The following HAS3 variants were observed in gnomAD, a reference collection of about 807,000 sequenced individuals.
The protein encoded by HAS3 is HA synthase 3.
A neutral mutation model predicts 50.3 loss-of-function variants in HAS3; 27 were observed. That is an observed-to-expected ratio of 0.54 (90% CI 0.40 to 0.74). The LOEUF is 0.74. Among genes scored for constraint, HAS3 ranks in the 30% least tolerant of loss-of-function variants. HAS3 has a pLI of 0.00. For missense variants in HAS3, 517 were observed against 742.8 expected (o/e 0.70, Z 3.53); for synonymous variants, 339 against 310.9 (o/e 1.09, Z -0.95).
At chr16:69,113,321 G>T in intron 2 of HAS3, 120 bp from the exon 3 acceptor site, 1 of 746,350 alleles carries the variant, frequency 1.3e-6, no homozygotes, top group South Asian at 1.4e-5. Flanking sequence ...CTAGAGGCTG[G>T]AAGTGAGTCA....
upstream of HAS3, among the ~76,000 whole-genome samples, chr16:69,104,674 C>A (rs1960740269): frequency 6.6e-6 from 1 of 152,022 alleles, no homozygotes; most frequent in Non-Finnish European, 1.5e-5. Context: ...GAACTCCTGG[C>A]CTCAAGCGAT....
intron 2 of HAS3, among the ~76,000 whole-genome samples, chr16:69,111,066 C>T (rs908523377): frequency 1.4e-5 from 2 of 143,964 alleles, no homozygotes; most frequent in African/African-American, 5.2e-5. Context: ...TTTCCATCTT[C>T]AAATAAAAAA....
Position 69,109,145 on chromosome 16 carries a change from A to C in HAS3, c.1-251A>C. Among the ~76,000 whole-genome samples the C allele has an allele frequency of 6.6e-6, 1 of 152,284 alleles. No homozygotes were observed. Among genetic ancestry groups the C allele is most frequent in the East Asian group, 1.9e-4 (1 of 5,172 alleles). ...TGTATGTGTCGCCCATTTAACCCTC[A>C]AAGATGCCTTGAGGTTAGTCCTGCA... is the stretch of plus-strand genomic sequence containing the variant. On this transcript the variant is annotated intron_variant, in intron 1 of 3. Coordinates refer to ENST00000569188, the MANE Select transcript of HAS3 (RefSeq NM_001199280.2). The surrounding 1 kb of genome is among the most constrained non-coding windows in gnomAD (Gnocchi z 5.3).
the HAS3 span, chr16:69,083,823 C>T: frequency 8.7e-6 from 6 of 691,012 alleles, no homozygotes; most frequent in African/African-American, 3.6e-5. Flanking sequence ...GGGTCCCTTC[C>T]GAGGGCATGT....
At chr16:69,086,935 C>T in the HAS3 span, among the ~76,000 whole-genome samples, 140 of 152,210 alleles carry the variant, frequency 9.2e-4, 1 homozygote, top group African/African-American at 3.1e-3. Context: ...AAAACTTAAA[C>T]GAAATACACG....
At chr16:69,097,698 A>G in the HAS3 span, among the ~76,000 whole-genome samples, 1 of 152,098 alleles carries the variant, frequency 6.6e-6, no homozygotes, top group African/African-American at 2.4e-5. Context: ...TCCTTTCTTC[A>G]GGGAAAAGCC....
chr16:69,118,141 T>TTC, downstream of HAS3: 1 of 219,374 alleles, frequency 4.6e-6, no homozygotes, highest in Non-Finnish European at 9.3e-6. Context: ...CCACCCTAAT[T>TTC]CCCATATTCC....
chr16:69,083,940 G>A, the HAS3 span: 1 of 263,966 alleles, frequency 3.8e-6, no homozygotes, highest in Non-Finnish European at 7.1e-6. Context: ...AAAGAAGGAT[G>A]TCTACCTGGT....
chr16:69,085,706 T>C, the HAS3 span, among the ~76,000 whole-genome samples: 1 of 151,682 alleles, frequency 6.6e-6, no homozygotes, highest in Non-Finnish European at 1.5e-5. Context: ...GCCTCCCAAG[T>C]AGCTGGAACC....
At chr16:69,095,377 G>T in the HAS3 span, among the ~76,000 whole-genome samples, 1 of 152,032 alleles carries the variant, frequency 6.6e-6, no homozygotes, top group Non-Finnish European at 1.5e-5. Flanking sequence ...CTCTTCTTAC[G>T]TGCTCTAGAG....
At position 69,116,754 on chromosome 16, in the gene HAS3, G is replaced by C. The variant is rs1486665850; in HGVS notation, c.*1488G>C. ...CATTTTCCAGTGACTTGCAATCCAG[G>C]CTGTTCTCAGCGTTTTGAGTTTAAA... On this transcript the variant is annotated 3_prime_UTR_variant, in exon 4 of 4. Transcript: ENST00000569188. 1 of 985,262 alleles carries C rather than the reference G, an allele frequency of 1.0e-6. No individual in the cohort carries two copies. The highest frequency in any genetic ancestry group is 1.2e-6 in the Non-Finnish European group (1 of 829,918). The allele number at this position is 985,262 out of a possible 1,614,324, so 61.0% of individuals were successfully genotyped here. A position where few individuals can be genotyped will look rare whatever the true frequency, so the allele number is the denominator to read the frequency against.
At chr16:69,102,063 C>T (rs1960703169), upstream of HAS3, among the ~76,000 whole-genome samples, 1 of 152,190 alleles carries the variant, frequency 6.6e-6, no homozygotes, top group South Asian at 2.1e-4. Flanking sequence ...GAATTACAGG[C>T]ATGAGCCACT....
chr16:69,102,126 C>T (rs1275559418), upstream of HAS3, among the ~76,000 whole-genome samples: 1 of 152,178 alleles, frequency 6.6e-6, no homozygotes, highest in Non-Finnish European at 1.5e-5. Context: ...AAATGGGTAA[C>T]GTTCTAGATG....
chr16:69,088,697 G>T, the HAS3 span, among the ~76,000 whole-genome samples: 28 of 152,246 alleles, frequency 1.8e-4, no homozygotes, highest in African/African-American at 6.7e-4. Context: ...CTGAGAAGTT[G>T]CTATTTGAAT....
the HAS3 span, among the ~76,000 whole-genome samples, chr16:69,087,633 C>G: frequency 2.0e-5 from 3 of 150,348 alleles, no homozygotes; most frequent in East Asian, 5.9e-4. Flanking sequence ...CTCCTGACCT[C>G]ATGATCCACC....
chr16:69,097,272 C>T, the HAS3 span, among the ~76,000 whole-genome samples: 3 of 152,016 alleles, frequency 2.0e-5, no homozygotes, highest in African/African-American at 7.2e-5. Context: ...GTCAGGAGTT[C>T]AAGACCATCC....
chr16:69,104,879 G>A (rs919978223), upstream of HAS3, among the ~76,000 whole-genome samples: 1 of 151,798 alleles, frequency 6.6e-6, no homozygotes, highest in Non-Finnish European at 1.5e-5. Flanking sequence ...AAACTTGCGA[G>A]AGGAGAAGTT....
Position 69,113,531 on chromosome 16 carries a change from G to A in HAS3, c.727G>A (p.Gly243Arg). ...GGATCCCCAAGTAGGGGGAGTCGGG[G>A]GAGATGTCCAGGTAAGATGAGACCA... ...EEDPQVGGVG[G>R]DVQILNKYDS... The change falls in exon 3 of 4, where the codon GGA becomes AGA. Residue 243 changes from glycine (G) to arginine (R), a missense_variant. Transcript: ENST00000569188. 6.2e-7 allele frequency: 1 copy of A among 1,601,828 alleles called. No individual in the cohort carries two copies. The highest frequency in any genetic ancestry group is 8.6e-7 in the Non-Finnish European group (1 of 1,169,408).
At chr16:69,091,547 C>T in the HAS3 span, among the ~76,000 whole-genome samples, 3 of 152,092 alleles carry the variant, frequency 2.0e-5, no homozygotes, top group Admixed American at 6.5e-5. Flanking sequence ...TGCTTTAACA[C>T]CCATGAAATG....
Sources: gnomAD v4.1 joint callset for allele counts (sites outside exome capture counted in the v4.1 genomes callset) on GRCh38, gnomAD v4.1.1 for gene constraint, Gnocchi (gnomAD v3.1) non-coding constraint, MANE v1.5 for transcripts, NCBI Gene and HGNC (gene_info 2026-07-23, HGNC 2026-07-21) for gene names.